The following CUL2 variants were observed in gnomAD, a reference collection of about 807,000 sequenced individuals.
CUL2 encodes the protein cullin 2, also known as cullin-2.
A neutral mutation model predicts 110.2 loss-of-function variants in CUL2; 22 were observed. The ratio of observed to expected loss-of-function variants is 0.20; its 90% CI spans 0.14 to 0.28. CUL2 has a LOEUF of 0.28. Among genes scored for constraint, CUL2 ranks in the 10% least tolerant of loss-of-function variants. CUL2 has a pLI of 1.00. For synonymous variants in CUL2, 279 were observed against 293.2 expected (o/e 0.95, Z 0.49); for missense variants, 631 against 905.5 (o/e 0.70, Z 3.89).
At chr10:35,072,692 A>G (rs1238723544) in intron 1 of CUL2, among the ~76,000 whole-genome samples, 1 of 152,182 alleles carries the variant, frequency 6.6e-6, no homozygotes, top group Non-Finnish European at 1.5e-5. Context: ...AAGGGAGTTC[A>G]AAGACTCCTG....
At chr10:35,029,445 T>A (rs745862194) in intron 15 of CUL2, 43 bp downstream of exon 15, 7 of 1,292,932 alleles carry the variant, frequency 5.4e-6, no homozygotes, top group Non-Finnish European at 7.4e-6. Flanking sequence ...ATCAACGTAC[T>A]GAAATGATTA....
chr10:35,012,616 C>T lies in CUL2; in HGVS notation c.1990-652G>A, dbSNP rs78069681. 4.5e-3 allele frequency among the ~76,000 whole-genome samples: 679 copies of T among 152,270 alleles called. 7 individuals are homozygous for T. The highest frequency in any genetic ancestry group is 0.015 in the African/African-American group (628 of 41,548). On this transcript the variant is annotated intron_variant, in intron 19 of 20. Coordinates refer to ENST00000374749, the MANE Select transcript of CUL2 (RefSeq NM_003591.4). ...ATGCCACATTAAGAGGATCTCCTCA[C>T]AGCGTTTCAAAGACAAAATACAATC...
chr10:35,084,884 C>G (rs1358727006), intron 1 of CUL2, among the ~76,000 whole-genome samples: 2 of 152,108 alleles, frequency 1.3e-5, no homozygotes, highest in African/African-American at 4.8e-5. Context: ...CTTTGGTAAG[C>G]CGAGGCAAGT....
At chr10:35,046,820 G>T (rs2085954648) in intron 6 of CUL2, among the ~76,000 whole-genome samples, 1 of 152,146 alleles carries the variant, frequency 6.6e-6, no homozygotes, top group African/African-American at 2.4e-5. Flanking sequence ...TTGAACCTGG[G>T]AGGAGGAGGT....
chr10:35,123,724 G>A (rs2087705282), intron 1 of CUL2, among the ~76,000 whole-genome samples: 1 of 152,146 alleles, frequency 6.6e-6, no homozygotes, highest in Admixed American at 6.6e-5. Flanking sequence ...GTATGAAAGG[G>A]GAAGAAGACA....
At chr10:35,099,721 T>G (rs755276256) in intron 2 of CUL2, 1 of 152,092 alleles carries the variant, frequency 6.6e-6, no homozygotes, top group Non-Finnish European at 1.5e-5. Context: ...GGTTGCAGCC[T>G]GGGCGACAGA....
intron 1 of CUL2, among the ~76,000 whole-genome samples, chr10:35,115,606 G>C (rs1230373917): frequency 6.6e-6 from 1 of 151,116 alleles, no homozygotes; most frequent in African/African-American, 2.4e-5. Flanking sequence ...TCTAAATGTT[G>C]GTTCTGGCTG....
At chr10:35,088,307 A>ACGCCCT in intron 1 of CUL2, among the ~76,000 whole-genome samples, 1 of 152,048 alleles carries the variant, frequency 6.6e-6, no homozygotes, top group African/African-American at 2.4e-5. Flanking sequence ...CAAGAGATCA[A>ACGCCCT]GACCACCCTG....
chr10:35,023,219 T>C lies in CUL2; in HGVS notation c.1684+1913A>G, dbSNP rs117819726. On this transcript the variant is annotated intron_variant, in intron 17 of 20. Transcript: ENST00000374749. The stretch of plus-strand genomic sequence containing the variant: ...CACTGTACACTGTAAACAGATACAA[T>C]TTTTATGTGTCAATTGTATCTTATC... Among the ~76,000 whole-genome samples, 634 of 152,260 alleles carry C rather than the reference T, an allele frequency of 4.2e-3. 2 individuals carry two copies. Among genetic ancestry groups the C allele is most frequent in the Non-Finnish European group, 5.7e-3 (387 of 68,008 alleles).
Position 35,028,795 on chromosome 10 carries a change from T to G in CUL2, c.1617+15A>C, listed in dbSNP as rs757764906. On this transcript the variant is annotated intron_variant, in intron 16 of 20. Transcript: ENST00000374749. ...AAATTCCTTTAGTCTTCTAATATATTTCCTGCAAACTTACCATCTGTACAC... is the reference window on the plus strand; with the variant it reads ...AAATTCCTTTAGTCTTCTAATATATGTCCTGCAAACTTACCATCTGTACAC... The G allele has an allele frequency of 6.5e-7, 1 of 1,548,772 alleles. No individual in the cohort carries two copies. The highest frequency in any genetic ancestry group is 8.9e-7 in the Non-Finnish European group (1 of 1,127,180).
At chr10:35,062,418 C>T (rs550009456) in intron 3 of CUL2, among the ~76,000 whole-genome samples, 1 of 152,210 alleles carries the variant, frequency 6.6e-6, no homozygotes, top group South Asian at 2.1e-4. Flanking sequence ...TAAACACTAT[C>T]CAGAGGACGT....
At chr10:35,040,911 G>A (rs1314815845) in intron 8 of CUL2, among the ~76,000 whole-genome samples, 7 of 152,176 alleles carry the variant, frequency 4.6e-5, no homozygotes, top group Admixed American at 1.3e-4. Context: ...GACAGGAGGC[G>A]GAGCTCAGGC....
rs568643824 is a variant in CUL2 at position 35,013,824 on chromosome 10, A to G, written c.1888-24T>C. 3 of 1,371,996 alleles carry G rather than the reference A, an allele frequency of 2.2e-6. No homozygotes were observed. The East Asian group carries it at 7.9e-5, about 36-fold the overall frequency. The allele number at this position is 1,371,996 out of a possible 1,614,324, so 85.0% of individuals were successfully genotyped here. ...TCCTACATTTAAAAATAAAACATTT[A>G]TATTTATAAAAACCAAAATCTTTAA... On this transcript the variant is annotated intron_variant, in intron 18 of 20. Transcript: ENST00000374749.
At chr10:35,121,822 A>AT (rs1262779640) in intron 1 of CUL2, among the ~76,000 whole-genome samples, 55 of 151,866 alleles carry the variant, frequency 3.6e-4, no homozygotes, top group Non-Finnish European at 3.2e-4. Flanking sequence ...AAAAAAAAAA[A>AT]AAAATAAAAA....
chr10:35,037,083 A>G (rs987084727), intron 9 of CUL2, among the ~76,000 whole-genome samples: 2 of 152,170 alleles, frequency 1.3e-5, no homozygotes, highest in Non-Finnish European at 2.9e-5. Flanking sequence ...CCTATTTAAA[A>G]TATCTTTCCC....
upstream of CUL2, among the ~76,000 whole-genome samples, chr10:35,094,266 G>C (rs967658013): frequency 6.7e-6 from 1 of 149,620 alleles, no homozygotes; most frequent in African/African-American, 2.5e-5. Context: ...ATGGAGTTTC[G>C]CTCTTGTTGC....
chr10:35,062,778 A>G (rs1312922463), intron 3 of CUL2, among the ~76,000 whole-genome samples, 182 bp downstream of exon 3: 1 of 152,028 alleles, frequency 6.6e-6, no homozygotes, highest in Non-Finnish European at 1.5e-5. Context: ...TCGGGGCTGC[A>G]GTGAGCCATG....
chr10:35,122,186 T>G (rs1180296518), intron 1 of CUL2, among the ~76,000 whole-genome samples: 1 of 152,240 alleles, frequency 6.6e-6, no homozygotes, highest in African/African-American at 2.4e-5. Flanking sequence ...ATCCTAAAGT[T>G]TGAATAGAAA....
At chr10:35,117,223 G>A (rs1589071838) in intron 1 of CUL2, among the ~76,000 whole-genome samples, 1 of 152,154 alleles carries the variant, frequency 6.6e-6, no homozygotes, top group East Asian at 1.9e-4. Context: ...TTAGCTAGAA[G>A]AATTGCGGAA....
Sources: gnomAD v4.1 joint callset for allele counts (sites outside exome capture counted in the v4.1 genomes callset) on GRCh38, gnomAD v4.1.1 for gene constraint, MANE v1.5 for transcripts, NCBI Gene and HGNC (gene_info 2026-07-23, HGNC 2026-07-21) for gene names.